The following ADGRA2 variants were observed in gnomAD, a reference collection of about 807,000 sequenced individuals.
The protein encoded by ADGRA2 is G-protein coupled receptor 124.
In ADGRA2, 61 loss-of-function variants were observed where a neutral mutation model predicts 98.7. That is an observed-to-expected ratio of 0.62 (90% CI 0.50 to 0.76). ADGRA2 has a LOEUF of 0.76. Among genes scored for constraint, ADGRA2 ranks in the 30% least tolerant of loss-of-function variants. The pLI is 0.00. For synonymous variants in ADGRA2, 858 were observed against 831.5 expected, an observed-to-expected ratio of 1.03 and a Z score of -0.55; for missense variants, 1,712 against 1,860.0, an observed-to-expected ratio of 0.92 and a Z score of 1.46.
At chr8:37,828,133 C>T (rs1805333900) in intron 2 of ADGRA2, among the ~76,000 whole-genome samples, 1 of 148,462 alleles carries the variant, frequency 6.7e-6, no homozygotes, top group African/African-American at 2.5e-5. Flanking sequence ...CAGAGAGACC[C>T]AGCCTCAAAA....
chr8:37,798,627 C>T (rs1804413083), intron 1 of ADGRA2, among the ~76,000 whole-genome samples: 1 of 152,272 alleles, frequency 6.6e-6, no homozygotes. Flanking sequence ...GCTTCCCTTT[C>T]CCTGTCCTCC....
At chr8:37,818,142 T>C (rs990400283) in intron 2 of ADGRA2, among the ~76,000 whole-genome samples, 12 of 152,222 alleles carry the variant, frequency 7.9e-5, no homozygotes, top group Admixed American at 5.9e-4. Context: ...GGAGGAAGTC[T>C]TGGAGTCGCA....
chr8:37,835,050 C>T (rs1197814953), intron 11 of ADGRA2, 124 bp from the exon 12 acceptor site: 2 of 659,850 alleles, frequency 3.0e-6, no homozygotes, highest in Admixed American at 2.8e-5. Flanking sequence ...AGAGAGGTGG[C>T]TTTGAAAAAA....
At chr8:37,825,138 G>T (rs577095092) in intron 2 of ADGRA2, among the ~76,000 whole-genome samples, 2 of 152,190 alleles carry the variant, frequency 1.3e-5, no homozygotes, top group Non-Finnish European at 2.9e-5. Flanking sequence ...TCTTTCCCAG[G>T]TTCCAAGGAC....
chr8:37,806,340 A>C (rs1804657801), intron 1 of ADGRA2, among the ~76,000 whole-genome samples: 1 of 152,114 alleles, frequency 6.6e-6, no homozygotes, highest in Admixed American at 6.5e-5. Context: ...ACTGTGGATG[A>C]TTACAGCAGA....
intron 1 of ADGRA2, among the ~76,000 whole-genome samples, chr8:37,799,856 C>G (rs1014022274): frequency 1.3e-5 from 2 of 152,106 alleles, no homozygotes; most frequent in Non-Finnish European, 2.9e-5. Context: ...TAATGGAATC[C>G]CCAGCCACAG....
intron 8 of ADGRA2, among the ~76,000 whole-genome samples, chr8:37,832,301 C>T (rs192672145): frequency 1.3e-4 from 20 of 151,942 alleles, no homozygotes; most frequent in Middle Eastern, 3.4e-3. Context: ...GATCCACCCG[C>T]CTTGGCCTCC....
chr8:37,808,193 TGGC>T (rs1804731367), intron 1 of ADGRA2, among the ~76,000 whole-genome samples: 1 of 152,166 alleles, frequency 6.6e-6, no homozygotes, highest in South Asian at 2.1e-4. Flanking sequence ...CTCCAGGGAC[TGGC>T]CCTCCTTCCT....
At chr8:37,825,954 G>T (rs1805267859) in intron 2 of ADGRA2, among the ~76,000 whole-genome samples, 1 of 152,172 alleles carries the variant, frequency 6.6e-6, no homozygotes, top group South Asian at 2.1e-4. Flanking sequence ...CTCCGTGGAG[G>T]TGGAGGTGCC....
In ADGRA2 at chr8:37,835,225, G is replaced by C; in HGVS notation, c.1660G>C (p.Val554Leu). 1 of 1,613,974 alleles carries C rather than the reference G, an allele frequency of 6.2e-7. No homozygotes were observed. The highest frequency in any genetic ancestry group is 8.5e-7 in the Non-Finnish European group (1 of 1,179,970). ...CTACCTCATCAAGCCGCACAGCTACGTGGGCCTGACCTGCACAGCCTTCCA... is the reference window on the plus strand; with the variant it reads ...CTACCTCATCAAGCCGCACAGCTACCTGGGCCTGACCTGCACAGCCTTCCA... ...EAYLIKPHSY[V>L]GLTCTAFQRR... The change falls in exon 12 of 19, where the codon GTG (valine) becomes CTG (leucine). Residue 554 changes from valine (V) to leucine (L), a missense_variant. Val to Leu is a conservative substitution (Grantham distance 32). Coordinates refer to ENST00000412232, the MANE Select transcript of ADGRA2 (RefSeq NM_032777.10).
Position 37,833,162 on chromosome 8 carries a change from G to C in ADGRA2, c.1250G>C (p.Cys417Ser). Residue 417 changes from cysteine to serine, a missense_variant, in exon 9 of 19, where the codon TGT becomes TCT. Physicochemically the swap from Cys to Ser is moderately radical, Grantham distance 112 (BLOSUM62 -1). Transcript: ENST00000412232. ...GRWEPGDYSHCLYTNDITRVL... is the reference protein window; with the variant it reads ...GRWEPGDYSHSLYTNDITRVL... ...TGGGAGCCAGGGGACTACTCCCACT[G>C]TCTCTACACCAACGACATCACCAGG... 6.2e-7 allele frequency: 1 copy of C among 1,613,132 alleles called. No homozygotes were observed. The highest frequency in any genetic ancestry group is 8.5e-7 in the Non-Finnish European group (1 of 1,179,812).
At chr8:37,821,801 G>A (rs1805134169) in intron 2 of ADGRA2, among the ~76,000 whole-genome samples, 1 of 152,224 alleles carries the variant, frequency 6.6e-6, no homozygotes, top group Non-Finnish European at 1.5e-5. Flanking sequence ...GGTATGCAGG[G>A]GTGCTGAGGC....
intron 8 of ADGRA2, among the ~76,000 whole-genome samples, chr8:37,832,410 C>T (rs1166741438): frequency 6.6e-6 from 1 of 152,136 alleles, no homozygotes; most frequent in East Asian, 1.9e-4. Flanking sequence ...AATCATACCT[C>T]ACTGCAGTCT....
At chr8:37,839,217 G>A in intron 15 of ADGRA2, 134 bp downstream of exon 15, 1 of 1,330,118 alleles carries the variant, frequency 7.5e-7, no homozygotes, top group Non-Finnish European at 1.1e-6. Context: ...TCCGAGGCAG[G>A]TGTAGGAAAC....
At position 37,844,647 on chromosome 8, in the gene ADGRA2, C is replaced by T. The variant is rs373464922; in HGVS notation, c.*2292C>T. The T allele has an allele frequency of 5.0e-5, 80 of 1,614,098 alleles. No individual in the cohort carries two copies. Among genetic ancestry groups the T allele is most frequent in the Non-Finnish European group, 5.8e-5 (68 of 1,180,020 alleles). ...GGAGACAGGGGGTACAGGGCAGATCCGCTTCGGGGACTTCAACATGCAGGG... is the reference window on the plus strand; with the variant it reads ...GGAGACAGGGGGTACAGGGCAGATCTGCTTCGGGGACTTCAACATGCAGGG... On this transcript the variant is annotated 3_prime_UTR_variant, in exon 19 of 19. Transcript: ENST00000412232.
rs1411987220 is a variant in ADGRA2 at position 37,833,795 on chromosome 8, G to C, written c.1404G>C (p.Gln468His). 1.2e-6 allele frequency: 2 copies of C among 1,614,200 alleles called. No homozygotes were observed. The highest frequency in any genetic ancestry group is 1.7e-6 in the Non-Finnish European group (2 of 1,180,026). ...SDMMDVVYVA[Q>H]MIQKFLGYVD... ...TGATGGATGTAGTCTATGTGGCTCA[G>C]ATGATCCAGAAATTTTTGGGTTATG... The change falls in exon 10 of 19, where the codon CAG becomes CAC. Residue 468 changes from glutamine (Q) to histidine (H), a missense_variant. Gln to His is a conservative substitution (Grantham distance 24). Coordinates refer to ENST00000412232, the MANE Select transcript of ADGRA2 (RefSeq NM_032777.10).
Position 37,837,842 on chromosome 8 carries a change from C to A in ADGRA2, c.2162C>A (p.Ala721Asp), listed in dbSNP as rs1219080812. 1 of 1,524,026 alleles carries A rather than the reference C, an allele frequency of 6.6e-7. No individual in the cohort carries two copies. The highest frequency in any genetic ancestry group is 8.8e-7 in the Non-Finnish European group (1 of 1,134,064). The allele number at this position is 1,524,026 out of a possible 1,614,324, so 94.4% of individuals were successfully genotyped here. The change falls in exon 14 of 19, where the codon GCT becomes GAT. Residue 721 changes from alanine to aspartate, a missense_variant. Ala to Asp is a moderately radical substitution (Grantham distance 126, BLOSUM62 -2). Transcript: ENST00000412232. Reference protein sequence around the residue: ...AWWSQEGPGEAGGWTSEGCQL... With the variant: ...AWWSQEGPGEDGGWTSEGCQL... ...TGGAGCCAGGAGGGGCCCGGGGAGG[C>A]TGGGGGCTGGACCTCGGAGGGCTGC...
chr8:37,824,647 AC>A (rs1805221651), intron 2 of ADGRA2, among the ~76,000 whole-genome samples: 1 of 151,684 alleles, frequency 6.6e-6, no homozygotes, highest in Non-Finnish European at 1.5e-5. Context: ...GGCTCCCGCC[AC>A]CACACACGGC....
At chr8:37,828,153 A>AACAAAACAAT (rs1232929217) in intron 2 of ADGRA2, among the ~76,000 whole-genome samples, 1 of 151,554 alleles carries the variant, frequency 6.6e-6, no homozygotes. Context: ...AACAAAACAA[A>AACAAAACAAT]ACAAAACAAC....
Sources: allele counts gnomAD v4.1 joint callset (sites outside exome capture counted in the v4.1 genomes callset), GRCh38; gene constraint gnomAD v4.1.1; transcripts MANE v1.5; gene names NCBI Gene and HGNC (gene_info 2026-07-23, HGNC 2026-07-21).